The following HS6ST3 variants were observed in gnomAD, a reference collection of about 807,000 sequenced individuals.
HS6ST3 encodes heparan-sulfate 6-O-sulfotransferase 3.
HS6ST3 carries 12 observed loss-of-function variants against 36.7 expected under a neutral mutation model. The observed-to-expected ratio is 0.33, with a 90% CI of 0.21 to 0.53. The LOEUF (loss-of-function observed/expected upper bound fraction) is 0.53, where lower values mean the gene tolerates loss of function less well. Ranked by LOEUF, HS6ST3 falls within the 20% of genes least tolerant of loss-of-function variation. The pLI is 0.95. For synonymous variants in HS6ST3, 240 were observed against 257.5 expected (o/e 0.93, Z 0.65); for missense variants, 584 against 640.9 (o/e 0.91, Z 0.96).
chr13:96,397,980 C>T (rs759974524), intron 1 of HS6ST3, among the ~76,000 whole-genome samples: 12 of 152,186 alleles, frequency 7.9e-5, no homozygotes, highest in Non-Finnish European at 1.0e-4. Context: ...TCCTTTGCTG[C>T]TGTACAGGAA....
intron 1 of HS6ST3, among the ~76,000 whole-genome samples, chr13:96,544,587 C>A (rs916491609): frequency 6.6e-6 from 1 of 152,084 alleles, no homozygotes; most frequent in African/African-American, 2.4e-5. Flanking sequence ...ATCATTATTA[C>A]CTTTATTTTA....
At chr13:96,682,439 T>C (rs2056721660) in intron 1 of HS6ST3, among the ~76,000 whole-genome samples, 1 of 152,154 alleles carries the variant, frequency 6.6e-6, no homozygotes, top group Non-Finnish European at 1.5e-5. Flanking sequence ...TAAAGATTTG[T>C]AGAAACACAA....
intron 1 of HS6ST3, among the ~76,000 whole-genome samples, chr13:96,179,060 A>G (rs2054226344): frequency 6.6e-6 from 1 of 152,188 alleles, no homozygotes; most frequent in Non-Finnish European, 1.5e-5. Flanking sequence ...GAACAGTGAA[A>G]TTTTTAGACT....
Position 96,833,144 on chromosome 13 carries a change from G to T in HS6ST3, c.1362G>T (p.Gly454=). 3 of 1,597,658 alleles carry T rather than the reference G, an allele frequency of 1.9e-6. No homozygotes were observed. Among genetic ancestry groups the T allele is most frequent in the Non-Finnish European group, 1.7e-6 (2 of 1,178,442 alleles). ...ACCACCAGTGGCCCAAAGAAGATGG[G>T]GCTGCAGAAGGGACTGTCACCGAGG... is the stretch of plus-strand genomic sequence containing the variant. ...HRDHQWPKED[G]AAEGTVTEDY... is the part of the protein sequence containing the mutation. The change falls in exon 2 of 2, where the codon GGG becomes GGT. Residue 454 remains glycine (G), a synonymous_variant. Coordinates refer to ENST00000376705, the MANE Select transcript of HS6ST3 (RefSeq NM_153456.4).
intron 1 of HS6ST3, among the ~76,000 whole-genome samples, chr13:96,559,267 C>G (rs191028215): frequency 6.6e-6 from 1 of 152,036 alleles, no homozygotes; most frequent in East Asian, 1.9e-4. Context: ...TAGACGCCCC[C>G]CCCACCACAC....
At chr13:96,574,893 T>C (rs911570882) in intron 1 of HS6ST3, among the ~76,000 whole-genome samples, 7 of 152,132 alleles carry the variant, frequency 4.6e-5, no homozygotes, top group Non-Finnish European at 1.0e-4. Context: ...CCAGATCAAG[T>C]AGGTGTATTC....
At chr13:96,309,879 G>A (rs2054931789) in intron 1 of HS6ST3, among the ~76,000 whole-genome samples, 1 of 152,042 alleles carries the variant, frequency 6.6e-6, no homozygotes, top group African/African-American at 2.4e-5. Flanking sequence ...AATATTGTTA[G>A]AGAAAATCAA....
intron 1 of HS6ST3, among the ~76,000 whole-genome samples, chr13:96,300,079 C>CAA (rs2054874501): frequency 9.7e-6 from 1 of 102,766 alleles, no homozygotes; most frequent in African/African-American, 3.8e-5. Flanking sequence ...TTTTTTGAGA[C>CAA]AGAGTCTCAC....
intron 1 of HS6ST3, among the ~76,000 whole-genome samples, chr13:96,599,691 A>C (rs1180104744): frequency 6.6e-6 from 1 of 151,232 alleles, no homozygotes; most frequent in Non-Finnish European, 1.5e-5. Context: ...TTTGCTTTGC[A>C]CTTGTTTCTC....
At chr13:96,092,945 A>G (rs1419140824) in intron 1 of HS6ST3, among the ~76,000 whole-genome samples, 1 of 152,194 alleles carries the variant, frequency 6.6e-6, no homozygotes, top group Non-Finnish European at 1.5e-5. Context: ...TTGCTTTTAA[A>G]TATTTTTAAT....
chr13:96,680,603 T>G (rs1271724003), intron 1 of HS6ST3, among the ~76,000 whole-genome samples: 2 of 152,110 alleles, frequency 1.3e-5, no homozygotes, highest in African/African-American at 2.4e-5. Flanking sequence ...GAGGGAAGTT[T>G]CGAAACCATC....
intron 1 of HS6ST3, among the ~76,000 whole-genome samples, chr13:96,490,940 A>G (rs1022536868): frequency 1.3e-5 from 2 of 152,228 alleles, no homozygotes; most frequent in Non-Finnish European, 2.9e-5. Flanking sequence ...ATGGCGAACC[A>G]CGCAAGAACC....
chr13:96,158,156 G>C (rs1373085746), intron 1 of HS6ST3, among the ~76,000 whole-genome samples: 1 of 152,138 alleles, frequency 6.6e-6, no homozygotes, highest in Non-Finnish European at 1.5e-5. Flanking sequence ...ATTGTATAAG[G>C]GTATCAAGGC....
At chr13:96,687,104 T>G (rs1874804287) in intron 1 of HS6ST3, among the ~76,000 whole-genome samples, 1 of 135,678 alleles carries the variant, frequency 7.4e-6, no homozygotes, top group African/African-American at 2.7e-5. Context: ...TTTTTTTTTT[T>G]TACAAATATG....
chr13:96,167,343 T>C (rs2139332256), intron 1 of HS6ST3, among the ~76,000 whole-genome samples: 1 of 152,326 alleles, frequency 6.6e-6, no homozygotes, highest in South Asian at 2.1e-4. Context: ...ACTCATCTTT[T>C]TTTCCCCTCT....
intron 1 of HS6ST3, among the ~76,000 whole-genome samples, chr13:96,815,232 G>A (rs1330391274): frequency 1.3e-5 from 2 of 152,088 alleles, no homozygotes; most frequent in Non-Finnish European, 2.9e-5. Flanking sequence ...GCTGTTTTTT[G>A]CCTTGTAGAT....
intron 1 of HS6ST3, among the ~76,000 whole-genome samples, chr13:96,578,723 C>T (rs926779196): frequency 5.9e-5 from 9 of 152,044 alleles, no homozygotes; most frequent in African/African-American, 1.7e-4. Flanking sequence ...CCATGCCTGG[C>T]TAATTTTTTT....
At chr13:96,467,365 A>G (rs2055819188) in intron 1 of HS6ST3, among the ~76,000 whole-genome samples, 1 of 152,152 alleles carries the variant, frequency 6.6e-6, no homozygotes, top group African/African-American at 2.4e-5. Context: ...GTTTCTCTTT[A>G]ATTAGTCTCG....
intron 1 of HS6ST3, among the ~76,000 whole-genome samples, chr13:96,093,392 G>A (rs2053774695): frequency 6.6e-6 from 1 of 152,076 alleles, no homozygotes; most frequent in Admixed American, 6.5e-5. Context: ...ACTTCTATAG[G>A]AAATACTTAA....
Sources: gnomAD v4.1 joint callset for allele counts (sites outside exome capture counted in the v4.1 genomes callset) on GRCh38, gnomAD v4.1.1 for gene constraint, MANE v1.5 for transcripts, NCBI Gene and HGNC (gene_info 2026-07-23, HGNC 2026-07-21) for gene names.